NXPE4: variants seen among roughly 807,000 people sequenced by gnomAD.
The protein encoded by NXPE4 is neurexophilin and PC-esterase domain family member 4.
In NXPE4, 42 loss-of-function variants were observed where a neutral mutation model predicts 33.3. The ratio of observed to expected loss-of-function variants is 1.26; its 90% confidence interval spans 0.98 to 1.63. NXPE4 has a LOEUF of 1.63. Among genes scored for constraint, NXPE4 ranks in the 40% most tolerant of loss-of-function variants. The pLI is 0.00. For synonymous variants in NXPE4, 253 were observed against 234.9 expected, an observed-to-expected ratio of 1.08 and a Z score of -0.71; for missense variants, 709 against 647.6, an observed-to-expected ratio of 1.09 and a Z score of -1.03.
At chr11:114,584,962 T>C (rs900776390) in intron 2 of NXPE4, among the ~76,000 whole-genome samples, 3 of 152,044 alleles carry the variant, frequency 2.0e-5, no homozygotes, top group African/African-American at 7.2e-5. Flanking sequence ...GGAATACTTT[T>C]GTGCAAACAG....
the NXPE4 span, among the ~76,000 whole-genome samples, chr11:114,639,967 A>ATT: frequency 1.4e-5 from 1 of 73,862 alleles, no homozygotes; most frequent in South Asian, 4.9e-4. Flanking sequence ...TATTAAATAT[A>ATT]TTATATATAA....
At chr11:114,602,432 TTATAATA>T in the NXPE4 span, among the ~76,000 whole-genome samples, 2 of 133,270 alleles carry the variant, frequency 1.5e-5, no homozygotes, top group East Asian at 2.2e-4. Flanking sequence ...ATAAATGTAA[TTATAATA>T]TATAATATAT....
Position 114,571,327 on chromosome 11 carries a change from G to A in NXPE4, c.1246C>T (p.Leu416Phe). The A allele has an allele frequency of 6.2e-7, 1 of 1,613,986 alleles. No individual in the cohort carries two copies. Among genetic ancestry groups the A allele is most frequent in the Non-Finnish European group, 8.5e-7 (1 of 1,179,934 alleles). Residue 416 changes from leucine (L) to phenylalanine (F), a missense_variant, in exon 6 of 6, where the codon CTC becomes TTC. Leu to Phe is a conservative substitution (Grantham distance 22). Coordinates refer to ENST00000375478, the MANE Select transcript of NXPE4 (RefSeq NM_001077639.2). ...MTYSVKEMEY[L>F]TRAIDRTGGE... is the part of the protein sequence containing the mutation. ...CCAGTTCTGTCAATGGCCCGGGTGA[G>A]GTACTCCATCTCTTTGACTGAATAG...
the NXPE4 span, among the ~76,000 whole-genome samples, chr11:114,603,761 T>C: frequency 2.0e-5 from 3 of 151,670 alleles, no homozygotes; most frequent in Non-Finnish European, 4.4e-5. Flanking sequence ...TATTTCCTCG[T>C]CTCCTAGGTA....
At chr11:114,601,724 T>TA in the NXPE4 span, among the ~76,000 whole-genome samples, 3 of 71,230 alleles carry the variant, frequency 4.2e-5, no homozygotes, top group Non-Finnish European at 7.2e-5. Context: ...TATATTATAA[T>TA]TATATATTAT....
the NXPE4 span, among the ~76,000 whole-genome samples, chr11:114,610,982 C>T: frequency 6.6e-6 from 1 of 151,760 alleles, no homozygotes; most frequent in African/African-American, 2.4e-5. Context: ...CGTGGGTAAC[C>T]ACTGTTACCC....
At chr11:114,647,668 TTCTC>T in the NXPE4 span, among the ~76,000 whole-genome samples, 7 of 152,140 alleles carry the variant, frequency 4.6e-5, no homozygotes, top group South Asian at 4.1e-4. Flanking sequence ...TTTTGTCTCT[TTCTC>T]TCAATCAGTA....
the NXPE4 span, among the ~76,000 whole-genome samples, chr11:114,607,181 G>A: frequency 7.3e-5 from 11 of 151,722 alleles, no homozygotes; most frequent in Non-Finnish European, 1.3e-4. Flanking sequence ...GTGTTGCATC[G>A]TGGGTGACAA....
At chr11:114,630,934 C>T in the NXPE4 span, among the ~76,000 whole-genome samples, 3 of 151,396 alleles carry the variant, frequency 2.0e-5, no homozygotes, top group Admixed American at 6.6e-5. Context: ...TGCTCACCAT[C>T]ACTGGCCATC....
chr11:114,634,102 C>T, the NXPE4 span, among the ~76,000 whole-genome samples: 4 of 151,718 alleles, frequency 2.6e-5, no homozygotes, highest in African/African-American at 4.8e-5. Context: ...GTTCCTATTT[C>T]TCCACATCCT....
At chr11:114,579,864 T>C (rs1309983969) in intron 5 of NXPE4, among the ~76,000 whole-genome samples, 1 of 152,200 alleles carries the variant, frequency 6.6e-6, no homozygotes, top group South Asian at 2.1e-4. Flanking sequence ...GTTCCATCAA[T>C]AGTTTTTGGA....
chr11:114,588,133 A>G (rs2135266423), intron 2 of NXPE4, among the ~76,000 whole-genome samples: 1 of 152,292 alleles, frequency 6.6e-6, no homozygotes, highest in South Asian at 2.1e-4. Flanking sequence ...AGCAACCTCC[A>G]GGGAACTATC....
At chr11:114,640,256 T>C in the NXPE4 span, among the ~76,000 whole-genome samples, 6 of 142,780 alleles carry the variant, frequency 4.2e-5, no homozygotes, top group Admixed American at 2.2e-4. Flanking sequence ...AAATATAAAA[T>C]ATATAGTATA....
the NXPE4 span, among the ~76,000 whole-genome samples, chr11:114,667,029 A>G: frequency 1.1e-3 from 161 of 152,210 alleles, no homozygotes; most frequent in African/African-American, 3.8e-3. Context: ...TCACTTTTAA[A>G]GTATGTTTCT....
At chr11:114,644,088 T>A in the NXPE4 span, among the ~76,000 whole-genome samples, 2 of 152,174 alleles carry the variant, frequency 1.3e-5, no homozygotes, top group Admixed American at 1.3e-4. Flanking sequence ...ATGCTTGGGA[T>A]TTTTGCACAT....
chr11:114,634,775 G>C, the NXPE4 span, among the ~76,000 whole-genome samples: 1 of 152,068 alleles, frequency 6.6e-6, no homozygotes, highest in African/African-American at 2.4e-5. Flanking sequence ...GATAGTTGTA[G>C]ATATGTGGCA....
the NXPE4 span, among the ~76,000 whole-genome samples, chr11:114,637,706 T>TTC: frequency 2.0e-5 from 3 of 151,218 alleles, no homozygotes; most frequent in African/African-American, 7.3e-5. Flanking sequence ...AGTATTGTAT[T>TTC]TCTCCTTCAC....
Position 114,582,476 on chromosome 11 carries a change from T to C in NXPE4, c.642A>G (p.Gln214=). The C allele has an allele frequency of 1.9e-6, 3 of 1,614,166 alleles. No homozygotes were observed. Among genetic ancestry groups the C allele is most frequent in the Non-Finnish European group, 2.5e-6 (3 of 1,180,004 alleles). The part of the protein sequence containing the change: ...FTGQFVNGTS[Q]VHSECGLILN... Reference sequence around the variant, plus strand: ...GGATCAGGCCACATTCAGAGTGGACTTGGGAAGTGCCATTGACAAACTGGC... The same window carrying C: ...GGATCAGGCCACATTCAGAGTGGACCTGGGAAGTGCCATTGACAAACTGGC... The change falls in exon 3 of 6, where the codon CAA becomes CAG. Residue 214 remains glutamine (Q), a synonymous_variant. Transcript: ENST00000375478.
chr11:114,678,229 C>A, the NXPE4 span, among the ~76,000 whole-genome samples: 1 of 152,028 alleles, frequency 6.6e-6, no homozygotes, highest in African/African-American at 2.4e-5. Context: ...ACTAATCCTA[C>A]GTGAAAACCA....
Sources: gnomAD v4.1 joint callset for allele counts (sites outside exome capture counted in the v4.1 genomes callset) on GRCh38, gnomAD v4.1.1 for gene constraint, MANE v1.5 for transcripts, NCBI Gene and HGNC (gene_info 2026-07-23, HGNC 2026-07-21) for gene names.